PARP12: variants seen among roughly 807,000 people sequenced by gnomAD.
PARP12 encodes poly(ADP-ribose) polymerase family member 12, also known as protein mono-ADP-ribosyltransferase PARP12.
Under a neutral mutation model 72.4 loss-of-function variants are expected in PARP12, and 59 were observed. The observed-to-expected ratio is 0.81, with a 90% CI of 0.66 to 1.01. The LOEUF (loss-of-function observed/expected upper bound fraction) is 1.01. PARP12 is among the 50% of genes least tolerant of loss of function. The pLI is 0.00. For missense variants in PARP12, 851 were observed against 914.0 expected (o/e 0.93, Z 0.89); for synonymous variants, 403 against 371.4 (o/e 1.09, Z -0.98).
At chr7:140,032,347 A>AT (rs1468086911) in intron 8 of PARP12, among the ~76,000 whole-genome samples, 1 of 151,134 alleles carries the variant, frequency 6.6e-6, no homozygotes, top group Admixed American at 6.6e-5. Flanking sequence ...GTTTTTTTTA[A>AT]TTAAAAAAAA....
At chr7:140,032,459 G>C (rs1349923451) in intron 8 of PARP12, among the ~76,000 whole-genome samples, 11 of 152,082 alleles carry the variant, frequency 7.2e-5, no homozygotes, top group Non-Finnish European at 1.2e-4. Flanking sequence ...TTATAGGTGT[G>C]CACCACCGCA....
chr7:140,050,958 G>T (rs1204343208), intron 4 of PARP12, among the ~76,000 whole-genome samples: 2 of 152,028 alleles, frequency 1.3e-5, no homozygotes, highest in Non-Finnish European at 2.9e-5. Context: ...ATAAAAATGG[G>T]TATAACTGTC....
intron 4 of PARP12, among the ~76,000 whole-genome samples, chr7:140,049,836 CAT>C (rs1370205334): frequency 1.3e-5 from 2 of 152,226 alleles, no homozygotes; most frequent in South Asian, 2.1e-4. Context: ...GCGGTAGAGA[CAT>C]AAGGTCCTTT....
chr7:140,028,802 T>C, intron 8 of PARP12, 114 bp from the exon 9 acceptor site: 1 of 851,304 alleles, frequency 1.2e-6, no homozygotes, highest in Non-Finnish European at 1.8e-6. Flanking sequence ...CACATCATAT[T>C]TCAAGAGCAG....
intron 7 of PARP12, among the ~76,000 whole-genome samples, chr7:140,036,735 GAA>G (rs1434235706): frequency 6.6e-6 from 1 of 151,964 alleles, no homozygotes; most frequent in East Asian, 1.9e-4. Context: ...TTTAAAATGT[GAA>G]ATACAGGCAA....
At chr7:140,047,335 A>G (rs1816772687) in intron 4 of PARP12, among the ~76,000 whole-genome samples, 1 of 152,286 alleles carries the variant, frequency 6.6e-6, no homozygotes, top group South Asian at 2.1e-4. Context: ...ATGGGTTATC[A>G]TGAGAGTGGA....
rs775458380 is a variant in PARP12, at chr7:140,062,641, G to A, written c.207C>T (p.Ala69=). ...AAAPERVVLA[A]SPLRLCRAHQ... ...GCGCGCGACACAGGCGCAGCGGCGA[G>A]GCGGCCAGCACCACGCGCTCCGGGG... The change falls in exon 1 of 12, where the codon GCC becomes GCT. Residue 69 remains alanine (A), a synonymous_variant. Transcript: ENST00000263549. 14 of 1,473,708 alleles carry A rather than the reference G, an allele frequency of 9.5e-6. No individual in the cohort carries two copies. Among genetic ancestry groups the A allele is most frequent in the South Asian group, 8.9e-5 (7 of 79,046 alleles). The allele number at this position is 1,473,708 out of a possible 1,614,324, so 91.3% of individuals were successfully genotyped here.
At chr7:140,059,254 G>A (rs192367529) in intron 1 of PARP12, among the ~76,000 whole-genome samples, 1 of 152,324 alleles carries the variant, frequency 6.6e-6, no homozygotes, top group Admixed American at 6.5e-5. Flanking sequence ...TGACAAAGAG[G>A]AGTTGCTGCA....
intron 6 of PARP12, among the ~76,000 whole-genome samples, chr7:140,040,254 G>A (rs754675129): frequency 6.6e-6 from 1 of 152,126 alleles, no homozygotes; most frequent in Non-Finnish European, 1.5e-5. Context: ...TTCCCCTCAC[G>A]CTCCTGACCA....
At chr7:140,036,971 C>G (rs1816227431) in intron 7 of PARP12, among the ~76,000 whole-genome samples, 1 of 152,152 alleles carries the variant, frequency 6.6e-6, no homozygotes, top group Admixed American at 6.5e-5. Context: ...CAGGGACTTT[C>G]AATTACTCTG....
At chr7:140,051,757 T>C (rs1318432659) in intron 4 of PARP12, among the ~76,000 whole-genome samples, 4 of 152,178 alleles carry the variant, frequency 2.6e-5, no homozygotes, top group Non-Finnish European at 5.9e-5. Flanking sequence ...GTAAAGTGAA[T>C]GCCTACAGAT....
chr7:140,028,427 T>G (rs1815818204), intron 9 of PARP12, among the ~76,000 whole-genome samples, 186 bp downstream of exon 9: 1 of 151,906 alleles, frequency 6.6e-6, no homozygotes, highest in Non-Finnish European at 1.5e-5. Context: ...TCCTGGGTGG[T>G]GAAAAAACAA....
intron 4 of PARP12, among the ~76,000 whole-genome samples, chr7:140,050,230 G>A (rs1816907005): frequency 6.6e-6 from 1 of 152,208 alleles, no homozygotes; most frequent in African/African-American, 2.4e-5. Flanking sequence ...TTCAGAGTCA[G>A]ATGAAGCCAG....
chr7:140,024,403 A>C lies in PARP12; in HGVS notation c.*157T>G. On this transcript the variant is annotated 3_prime_UTR_variant, in exon 12 of 12. Transcript: ENST00000263549. ...TGAACCCAAAAGTGACTTAAAAGTA[A>C]AAATCATTATTAGCAAGAGATTAAG... 2 of 901,302 alleles carry C rather than the reference A, an allele frequency of 2.2e-6. No homozygotes were observed. The highest frequency in any genetic ancestry group is 2.2e-5 in the Admixed American group (1 of 46,392). 55.8% of individuals were successfully genotyped at this position (901,302 alleles called of 1,614,324 possible).
chr7:140,033,849 C>A (rs993269076), intron 8 of PARP12: 63 of 988,672 alleles, frequency 6.4e-5, no homozygotes, highest in Non-Finnish European at 7.3e-5. Context: ...TACTAAAATA[C>A]ATGAGTTTTT....
chr7:140,054,381 T>C (rs1817096828), intron 4 of PARP12, among the ~76,000 whole-genome samples: 1 of 152,230 alleles, frequency 6.6e-6, no homozygotes, highest in Non-Finnish European at 1.5e-5. Context: ...TGTGACCTCA[T>C]GCTAAGCTGA....
chr7:140,024,965 T>C, intron 11 of PARP12, 80 bp from the exon 12 acceptor site: 2 of 1,340,242 alleles, frequency 1.5e-6, no homozygotes, highest in Non-Finnish European at 2.1e-6. Context: ...AGCGTCCTGG[T>C]GATGTGCAAC....
At chr7:140,033,586 TCCCATCCCACCTC>T (rs1816030493) in intron 8 of PARP12, 1 of 985,152 alleles carries the variant, frequency 1.0e-6, no homozygotes, top group Non-Finnish European at 1.2e-6. Flanking sequence ...TCAGTTCCAA[TCCCATCCCACCTC>T]CCCAAGCCTA....
At chr7:140,033,032 G>A in intron 8 of PARP12, 1 of 232,476 alleles carries the variant, frequency 4.3e-6, no homozygotes, top group Non-Finnish European at 7.1e-6. Context: ...GCTCACTACG[G>A]CCTTGACCTC....
Sources: gnomAD v4.1 joint callset for allele counts (sites outside exome capture counted in the v4.1 genomes callset) on GRCh38, gnomAD v4.1.1 for gene constraint, MANE v1.5 for transcripts, NCBI Gene and HGNC (gene_info 2026-07-23, HGNC 2026-07-21) for gene names.